The following SIK3 variants were observed in gnomAD, a reference collection of about 807,000 sequenced individuals.
SIK3 encodes SIK family kinase 3.
Under a neutral mutation model 144.2 loss-of-function variants are expected in SIK3, and 28 were observed. The observed-to-expected ratio is 0.19, with a 90% confidence interval of 0.14 to 0.27. The LOEUF is 0.27. Among genes scored for constraint, SIK3 ranks in the 10% least tolerant of loss-of-function variants. SIK3 has a pLI of 1.00. For synonymous variants in SIK3, 686 were observed against 676.3 expected, an observed-to-expected ratio of 1.01 and a Z score of -0.22; for missense variants, 1,319 against 1,776.0, an observed-to-expected ratio of 0.74 and a Z score of 4.62.
intron 1 of SIK3, among the ~76,000 whole-genome samples, chr11:117,033,170 G>A (rs1468233297): frequency 1.3e-5 from 2 of 152,062 alleles, no homozygotes; most frequent in Admixed American, 6.5e-5. Context: ...ACTCGGGACC[G>A]TATATATCTG....
At chr11:117,050,537 T>C (rs1249643716) in intron 1 of SIK3, among the ~76,000 whole-genome samples, 1 of 150,442 alleles carries the variant, frequency 6.6e-6, no homozygotes, top group East Asian at 2.0e-4. Context: ...AATACAAAAA[T>C]TAGCCAGGCG....
intron 1 of SIK3, among the ~76,000 whole-genome samples, chr11:116,971,067 C>T (rs759359762): frequency 1.3e-5 from 2 of 152,184 alleles, no homozygotes; most frequent in African/African-American, 4.8e-5. Flanking sequence ...CAATTAAATA[C>T]ATTAAAACTA....
At chr11:116,947,937 CTTTTTTT>C (rs548891642) in intron 3 of SIK3, among the ~76,000 whole-genome samples, 2 of 133,856 alleles carry the variant, frequency 1.5e-5, no homozygotes, top group African/African-American at 5.5e-5. Flanking sequence ...TCTAAGCTGA[CTTTTTTT>C]TTTTTTTTGA....
chr11:117,024,833 G>A (rs141117393), intron 1 of SIK3, among the ~76,000 whole-genome samples: 138 of 152,016 alleles, frequency 9.1e-4, no homozygotes, highest in African/African-American at 3.2e-3. Context: ...CCCAGGAAGC[G>A]GAGGTTGCAG....
intron 1 of SIK3, among the ~76,000 whole-genome samples, chr11:117,018,431 C>T (rs1951626056): frequency 6.6e-6 from 1 of 152,134 alleles, no homozygotes; most frequent in Admixed American, 6.5e-5. Flanking sequence ...AATGACAGTT[C>T]CAAAAGAGAA....
intron 1 of SIK3, among the ~76,000 whole-genome samples, chr11:117,080,430 A>T (rs1954734150): frequency 6.6e-6 from 1 of 152,236 alleles, no homozygotes; most frequent in African/African-American, 2.4e-5. Flanking sequence ...CTTTAAAAGA[A>T]GATCAGAACA....
chr11:116,994,930 T>G (rs1168216610), intron 1 of SIK3, among the ~76,000 whole-genome samples: 1 of 151,920 alleles, frequency 6.6e-6, no homozygotes, highest in Non-Finnish European at 1.5e-5. Context: ...TTCCAGGCAC[T>G]TCTCACCTCT....
At chr11:117,082,490 T>C (rs11216269) in intron 1 of SIK3, among the ~76,000 whole-genome samples, 1 of 152,182 alleles carries the variant, frequency 6.6e-6, no homozygotes, top group Non-Finnish European at 1.5e-5. Flanking sequence ...TGCATGAACC[T>C]TGAAGGCATT....
intron 2 of SIK3, among the ~76,000 whole-genome samples, chr11:116,955,844 T>A (rs531670126): frequency 7.1e-4 from 108 of 152,312 alleles, no homozygotes; most frequent in African/African-American, 2.5e-3. Flanking sequence ...TTTCATTATG[T>A]GAGCAGCTGA....
intron 1 of SIK3, among the ~76,000 whole-genome samples, chr11:117,033,935 GT>G (rs1952380801): frequency 6.6e-6 from 1 of 152,028 alleles, no homozygotes; most frequent in African/African-American, 2.4e-5. Context: ...CATAAATAAT[GT>G]AATAGCCATT....
At chr11:116,901,066 T>G (rs1479624861) in intron 4 of SIK3, among the ~76,000 whole-genome samples, 1 of 152,128 alleles carries the variant, frequency 6.6e-6, no homozygotes, top group Non-Finnish European at 1.5e-5. Flanking sequence ...GGTTTCTCCA[T>G]GTTGGTCAGG....
chr11:117,009,129 G>C (rs752239076), intron 1 of SIK3, among the ~76,000 whole-genome samples: 1 of 151,908 alleles, frequency 6.6e-6, no homozygotes, highest in African/African-American at 2.4e-5. Context: ...CAGCTACTTG[G>C]GGGGCTGAGG....
chr11:117,025,591 G>A (rs1216803592), intron 1 of SIK3, among the ~76,000 whole-genome samples: 1 of 151,950 alleles, frequency 6.6e-6, no homozygotes, highest in Non-Finnish European at 1.5e-5. Flanking sequence ...ACCACACCCA[G>A]CTACTTTTTT....
At chr11:117,095,638 C>G (rs1406134537) in intron 1 of SIK3, among the ~76,000 whole-genome samples, 1 of 152,190 alleles carries the variant, frequency 6.6e-6, no homozygotes, top group Non-Finnish European at 1.5e-5. Flanking sequence ...TCTAAGCTGT[C>G]CGCATTTGAG....
intron 1 of SIK3, among the ~76,000 whole-genome samples, chr11:117,071,345 T>C (rs940352461): frequency 4.6e-5 from 7 of 151,920 alleles, no homozygotes; most frequent in African/African-American, 1.5e-4. Context: ...GTCAAAGGGA[T>C]AGGTTTGCAA....
intron 1 of SIK3, among the ~76,000 whole-genome samples, chr11:116,975,609 T>C (rs1002559234): frequency 7.2e-5 from 11 of 152,240 alleles, no homozygotes; most frequent in Admixed American, 1.3e-4. Flanking sequence ...ATCCATTCTT[T>C]AGTTGATGGA....
At chr11:116,951,940 G>GAATAAATAAATAAATA (rs139188169) in intron 3 of SIK3, among the ~76,000 whole-genome samples, 1 of 141,234 alleles carries the variant, frequency 7.1e-6, no homozygotes, top group Non-Finnish European at 1.5e-5. Flanking sequence ...GCTCAAAAAA[G>GAATAAATAAATAAATA]AATAAATAAA....
intron 12 of SIK3, 59 bp downstream of exon 12, chr11:116,873,844 T>C (rs1944097880): frequency 6.4e-7 from 1 of 1,560,606 alleles, no homozygotes; most frequent in Non-Finnish European, 8.6e-7. Context: ...CCTCATAGCC[T>C]CTCAAAGGAA....
chr11:117,001,474 C>A (rs748438579), intron 1 of SIK3, among the ~76,000 whole-genome samples: 4 of 151,870 alleles, frequency 2.6e-5, no homozygotes, highest in Admixed American at 1.3e-4. Context: ...CCACTGCACT[C>A]CAGCCTGGGC....
Sources: allele counts gnomAD v4.1 joint callset (sites outside exome capture counted in the v4.1 genomes callset), GRCh38; gene constraint gnomAD v4.1.1; transcripts MANE v1.5; gene names NCBI Gene and HGNC (gene_info 2026-07-23, HGNC 2026-07-21).